Variants in SARNP observed in about 807,000 individuals in gnomAD.
SARNP encodes SAP domain containing ribonucleoprotein.
A neutral mutation model predicts 38.1 loss-of-function variants in SARNP; 5 were observed. That is an observed-to-expected ratio of 0.13 (90% confidence interval 0.07 to 0.28). The LOEUF is 0.28. Among genes scored for constraint, SARNP ranks in the 10% least tolerant of loss-of-function variants. The pLI is 1.00. For synonymous variants in SARNP, 84 were observed against 80.6 expected, an observed-to-expected ratio of 1.04 and a Z score of -0.23; for missense variants, 180 against 243.9, an observed-to-expected ratio of 0.74 and a Z score of 1.75.
intron 9 of SARNP, among the ~76,000 whole-genome samples, chr12:55,784,152 C>G (rs1292179031): frequency 6.6e-6 from 1 of 152,130 alleles, no homozygotes; most frequent in African/African-American, 2.4e-5. Context: ...AGAGAAGAGG[C>G]TACACTACCT....
intron 7 of SARNP, chr12:55,792,534 GCT>G (rs1491457952): frequency 1.3e-5 from 1 of 79,072 alleles, no homozygotes; most frequent in Non-Finnish European, 3.1e-5. Context: ...ACCACACCCA[GCT>G]TTTTTTTTTT....
At chr12:55,790,925 T>C (rs1157470200) in intron 7 of SARNP, among the ~76,000 whole-genome samples, 1 of 152,200 alleles carries the variant, frequency 6.6e-6, no homozygotes, top group Non-Finnish European at 1.5e-5. Context: ...TTATTCATAT[T>C]AGACAAAAAG....
At chr12:55,753,099 CCT>C (rs1209666646), downstream of SARNP, 2 of 152,164 alleles carry the variant, frequency 1.3e-5, no homozygotes, top group Admixed American at 6.6e-5. Flanking sequence ...TAGAACAACC[CCT>C]CTCTGAAAAG....
At chr12:55,795,510 T>C (rs933127093) in intron 5 of SARNP, among the ~76,000 whole-genome samples, 1 of 152,192 alleles carries the variant, frequency 6.6e-6, no homozygotes, top group African/African-American at 2.4e-5. Context: ...ATCAAAGGAA[T>C]AGCTTGGTTC....
chr12:55,760,020 G>A (rs535302216), intron 10 of SARNP, among the ~76,000 whole-genome samples: 17 of 152,244 alleles, frequency 1.1e-4, no homozygotes, highest in Non-Finnish European at 2.2e-4. Context: ...TTACAGGCAT[G>A]AGCCACCACA....
chr12:55,804,629 A>G (rs568723885), intron 1 of SARNP, among the ~76,000 whole-genome samples: 112 of 152,294 alleles, frequency 7.4e-4, no homozygotes, highest in Non-Finnish European at 1.4e-3. Flanking sequence ...TTTGCTACCT[A>G]TAAGTCATAG....
downstream of SARNP, chr12:55,755,489 T>C (rs1361618970): frequency 1.3e-5 from 2 of 152,198 alleles, no homozygotes; most frequent in Non-Finnish European, 2.9e-5. Flanking sequence ...GCTTCAGGAA[T>C]TGGAATCAGT....
At chr12:55,786,380 C>T (rs746769954) in intron 9 of SARNP, among the ~76,000 whole-genome samples, 3 of 152,116 alleles carry the variant, frequency 2.0e-5, no homozygotes, top group African/African-American at 4.8e-5. Context: ...GAACTAGGGC[C>T]GCAGAACCAA....
intron 8 of SARNP, among the ~76,000 whole-genome samples, chr12:55,789,813 G>A (rs955718636): frequency 1.3e-5 from 2 of 151,610 alleles, no homozygotes; most frequent in Admixed American, 6.6e-5. Flanking sequence ...GCATGGTGGC[G>A]GGCACCTGTA....
At chr12:55,806,797 CAA>C (rs1175118030) in intron 1 of SARNP, among the ~76,000 whole-genome samples, 1 of 152,202 alleles carries the variant, frequency 6.6e-6, no homozygotes, top group Non-Finnish European at 1.5e-5. Flanking sequence ...CTCCGCCTCC[CAA>C]AGTGTTGGGA....
intron 5 of SARNP, among the ~76,000 whole-genome samples, chr12:55,795,757 C>T (rs908888769): frequency 3.9e-5 from 6 of 152,178 alleles, no homozygotes; most frequent in Non-Finnish European, 5.9e-5. Context: ...CCTCCTAAAT[C>T]TAATCCTAGG....
At chr12:55,794,467 T>C (rs1592574039) in intron 6 of SARNP, 80 bp from the exon 7 acceptor site, 2 of 1,193,362 alleles carry the variant, frequency 1.7e-6, no homozygotes, top group Non-Finnish European at 1.2e-6. Flanking sequence ...AGTATACATA[T>C]GACACTTCTT....
At chr12:55,789,892 T>C (rs888456355) in intron 8 of SARNP, among the ~76,000 whole-genome samples, 6 of 140,648 alleles carry the variant, frequency 4.3e-5, no homozygotes, top group African/African-American at 1.6e-4. Context: ...TGCAGTAAGC[T>C]GAGATCGCAC....
chr12:55,775,395 T>C (rs1592562534), intron 9 of SARNP, among the ~76,000 whole-genome samples: 1 of 150,722 alleles, frequency 6.6e-6, no homozygotes, highest in Non-Finnish European at 1.5e-5. Context: ...ACCCGGCCTC[T>C]ACCAAAGATA....
At position 55,796,091 on chromosome 12, in the gene SARNP, G is replaced by C. The variant is rs777227015; in HGVS notation, c.252-15C>G. On this transcript the variant is annotated splice_polypyrimidine_tract_variant and intron_variant, in intron 4 of 10. Coordinates refer to ENST00000336133, the MANE Select transcript of SARNP (RefSeq NM_033082.4). ...TCTCTGCTGCCCTAGAAAAGAAAGA[G>C]ATTTTTTAAAATGAGAAAACTGATA... is the stretch of plus-strand genomic sequence containing the variant. The C allele has an allele frequency of 1.9e-6, 3 of 1,589,584 alleles. No individual in the cohort carries two copies. Among genetic ancestry groups the C allele is most frequent in the Non-Finnish European group, 2.6e-6 (3 of 1,158,776 alleles).
At chr12:55,754,663 G>A (rs1878447583), downstream of SARNP, 1 of 152,200 alleles carries the variant, frequency 6.6e-6, no homozygotes, top group Non-Finnish European at 1.5e-5. Context: ...ACAGTACCCT[G>A]ATCACCCAGT....
At chr12:55,764,984 C>A (rs764269664) in intron 9 of SARNP, among the ~76,000 whole-genome samples, 1 of 152,058 alleles carries the variant, frequency 6.6e-6, no homozygotes, top group Non-Finnish European at 1.5e-5. Flanking sequence ...AAGTTGAGAA[C>A]CTCTAGAATG....
intron 1 of SARNP, among the ~76,000 whole-genome samples, chr12:55,814,955 GATAC>G (rs1880438852): frequency 6.6e-6 from 1 of 151,606 alleles, no homozygotes; most frequent in Non-Finnish European, 1.5e-5. Flanking sequence ...TATCAACTCA[GATAC>G]ATACTATGTT....
intron 9 of SARNP, among the ~76,000 whole-genome samples, chr12:55,788,839 C>G (rs146000418): frequency 1.1e-4 from 17 of 152,082 alleles, no homozygotes; most frequent in Admixed American, 9.8e-4. Context: ...GTAGACCACG[C>G]TCTAGCAGCC....
Sources: allele counts gnomAD v4.1 joint callset (sites outside exome capture counted in the v4.1 genomes callset), GRCh38; gene constraint gnomAD v4.1.1; transcripts MANE v1.5; gene names NCBI Gene and HGNC (gene_info 2026-07-23, HGNC 2026-07-21).